The following ERCC3 variants were observed in gnomAD, a reference collection of about 807,000 sequenced individuals.
ERCC3 encodes ERCC excision repair 3, TFIIH core complex helicase subunit.
ERCC3 carries 66 observed loss-of-function variants against 94.2 expected under a neutral mutation model. That is an observed-to-expected ratio of 0.70 (90% CI 0.57 to 0.86). The LOEUF (loss-of-function observed/expected upper bound fraction) is 0.86. ERCC3 is among the 40% of genes least tolerant of loss of function. ERCC3 has a pLI of 0.00. For missense variants in ERCC3, 829 were observed against 987.1 expected (o/e 0.84, Z 2.15); for synonymous variants, 349 against 369.1 (o/e 0.95, Z 0.63).
Position 127,291,455 on chromosome 2 carries a change from T to C in ERCC3, c.471+1155A>G, listed in dbSNP as rs1001599221. Among the ~76,000 whole-genome samples the C allele has an allele frequency of 2.0e-5, 3 of 152,090 alleles. No individual in the cohort carries two copies. The highest frequency in any genetic ancestry group is 2.9e-5 in the Non-Finnish European group (2 of 68,028). On this transcript the variant is annotated intron_variant, in intron 3 of 14. Transcript: ENST00000285398. The surrounding 1 kb of genome is among the most constrained non-coding windows in gnomAD (Gnocchi z 4.9). Reference sequence around the variant, plus strand: ...TTGTATTTTTAGTAGAGACAGGAATTTCGCCATGTTGGCCAGGCTGGTCTT... The same window carrying C: ...TTGTATTTTTAGTAGAGACAGGAATCTCGCCATGTTGGCCAGGCTGGTCTT...
intron 6 of ERCC3, 71 bp downstream of exon 6, chr2:127,289,266 T>G: frequency 7.2e-7 from 1 of 1,389,626 alleles, no homozygotes; most frequent in East Asian, 2.3e-5. Context: ...ACAGGCAGAG[T>G]CGACACATGG....
chr2:127,292,800 T>G lies in ERCC3; in HGVS notation c.281A>C (p.Lys94Thr). The change falls in exon 3 of 15, where the codon AAA becomes ACA. Residue 94 changes from lysine (K) to threonine (T), a missense_variant. Coordinates refer to ENST00000285398, the MANE Select transcript of ERCC3 (RefSeq NM_000122.2). Reference sequence around the variant, plus strand: ...AGCCACCAAGAAGTCTTGGGCATATTTGTAAACTGGAGAGAAGGCTTCCAA... The same window carrying G: ...AGCCACCAAGAAGTCTTGGGCATATGTGTAAACTGGAGAGAAGGCTTCCAA... ...IFLEAFSPVY[K>T]YAQDFLVAIA... 1 of 1,613,796 alleles carries G rather than the reference T, an allele frequency of 6.2e-7. No individual in the cohort carries two copies. Among genetic ancestry groups the G allele is most frequent in the Non-Finnish European group, 8.5e-7 (1 of 1,179,966 alleles).
rs2104762264 is a variant in ERCC3, at chr2:127,280,619, C to T, written c.1355G>A (p.Arg452Gln). ...GGCCTGCACGATGGTGAGCACCCTTCGGAACATCTTGGCTGAGGAAACAAT... is the reference window on the plus strand; with the variant it reads ...GGCCTGCACGATGGTGAGCACCCTTTGGAACATCTTGGCTGAGGAAACAAT... Reference protein sequence around the residue: ...EVHTIPAKMFRRVLTIVQAHC... With the variant: ...EVHTIPAKMFQRVLTIVQAHC... Residue 452 changes from arginine (R) to glutamine (Q), a missense_variant, in exon 9 of 15, where the codon CGA (arginine) becomes CAA (glutamine). Coordinates refer to ENST00000285398, the MANE Select transcript of ERCC3 (RefSeq NM_000122.2). The surrounding 1 kb of genome is among the most constrained non-coding windows in gnomAD (Gnocchi z 6.3). 6.2e-7 allele frequency: 1 copy of T among 1,614,082 alleles called. No individual in the cohort carries two copies. The highest frequency in any genetic ancestry group is 8.5e-7 in the Non-Finnish European group (1 of 1,179,964).
chr2:127,272,767 C>T (rs1684600801), intron 11 of ERCC3, 98 bp downstream of exon 11: 1 of 813,940 alleles, frequency 1.2e-6, no homozygotes, highest in Non-Finnish European at 2.2e-6. Context: ...GGAGAAGTTC[C>T]TTCAGCAGAC....
Position 127,279,232 on chromosome 2 carries a change from C to T in ERCC3, c.1671G>A (p.Lys557=), listed in dbSNP as rs763088884. The change falls in exon 10 of 15, where the codon AAG becomes AAA. Residue 557 remains lysine, a synonymous_variant. Transcript: ENST00000285398. The surrounding 1 kb of genome is among the most constrained non-coding windows in gnomAD (Gnocchi z 4.7). ...LIKFHERRND[K]IIVFADNVFA... ...ACACATTGTCAGCAAAGACAATAAT[C>T]TTGTCATTCCTCCTTTCATGAAACT... 12 of 1,613,562 alleles carry T rather than the reference C, an allele frequency of 7.4e-6. No individual in the cohort carries two copies. The highest frequency in any genetic ancestry group is 1.0e-5 in the Non-Finnish European group (12 of 1,179,586).
rs1573949123 is a variant in ERCC3, at chr2:127,279,851, A to T, written c.1528-476T>A. Among the ~76,000 whole-genome samples the T allele has an allele frequency of 6.6e-6, 1 of 152,226 alleles. No homozygotes were observed. The highest frequency in any genetic ancestry group is 2.4e-5 in the African/African-American group (1 of 41,458). ...AAACCCAACCTAATACCTCCTATTG[A>T]ACTGGACGTTTTCACATGTTAACCA... On this transcript the variant is annotated intron_variant, in intron 9 of 14. Coordinates refer to ENST00000285398, the MANE Select transcript of ERCC3 (RefSeq NM_000122.2). This position sits in a 1 kb window ranked among gnomAD's most constrained non-coding sequence, Gnocchi z 4.7.
In ERCC3 at chr2:127,286,983, T is replaced by C. The variant is rs758857467; in HGVS notation, c.1062A>G (p.Ala354=). The change falls in exon 8 of 15, where the codon GCA becomes GCG. Residue 354 remains alanine (A), a synonymous_variant. Transcript: ENST00000285398. ...CCAGACAGCGTTTTCTGACAGTGCATGCAGCAGTCACACCAACCAGGGACT... is the reference window on the plus strand; with the variant it reads ...CCAGACAGCGTTTTCTGACAGTGCACGCAGCAGTCACACCAACCAGGGACT... The part of the protein sequence containing the change: ...AGKSLVGVTA[A]CTVRKRCLVL... 6.2e-7 allele frequency: 1 copy of C among 1,613,670 alleles called. No homozygotes were observed. The highest frequency in any genetic ancestry group is 8.5e-7 in the Non-Finnish European group (1 of 1,180,016).
Position 127,294,008 on chromosome 2 carries a change from G to C in ERCC3, c.28+46C>G. ...GCTCCGAGGCAGAGCGGGGGGCAGG[G>C]CCGGCAAGGGCAGTCGTGGCTGAGC... On this transcript the variant is annotated intron_variant, in intron 1 of 14. Coordinates refer to ENST00000285398, the MANE Select transcript of ERCC3 (RefSeq NM_000122.2). 3.1e-6 allele frequency: 5 copies of C among 1,597,752 alleles called. No individual in the cohort carries two copies. The Middle Eastern group carries it at 6.7e-4, about 215-fold the overall frequency.
chr2:127,293,738 AAGTAAGCCC>A lies in ERCC3; in HGVS notation c.29-29_29-21del, dbSNP rs750370527. ...TCTTGTCTGCAAGATACCAACACAGAAGTAAGCCCAGCAGGAGCCTTCAGGGTTCCCTCC... is the reference window on the plus strand; with the variant it reads ...TCTTGTCTGCAAGATACCAACACAGAAGCAGGAGCCTTCAGGGTTCCCTCC... On this transcript the variant is annotated intron_variant, in intron 1 of 14. Transcript: ENST00000285398. 3.7e-6 allele frequency: 6 copies of A among 1,608,552 alleles called. No individual in the cohort carries two copies. In the African/African-American group the frequency reaches 6.7e-5, roughly 18 times the overall value.
At chr2:127,266,004 A>C (rs566706773) in intron 12 of ERCC3, among the ~76,000 whole-genome samples, 1 of 151,660 alleles carries the variant, frequency 6.6e-6, no homozygotes, top group Non-Finnish European at 1.5e-5. Context: ...GTTTCAAATA[A>C]TTTTTGATTC....
chr2:127,266,822 T>C (rs1684388543), intron 12 of ERCC3, among the ~76,000 whole-genome samples: 1 of 150,644 alleles, frequency 6.6e-6, no homozygotes, highest in Admixed American at 6.7e-5. Context: ...TTCAAGTCAG[T>C]TCTCCTGCCT....
chr2:127,285,110 G>C (rs938520062), intron 8 of ERCC3, among the ~76,000 whole-genome samples: 9 of 152,196 alleles, frequency 5.9e-5, no homozygotes, highest in African/African-American at 2.2e-4. Flanking sequence ...ATCATTATGG[G>C]AAGTGAAAGA....
chr2:127,257,420 A>G lies in ERCC3; in HGVS notation c.*176T>C. On this transcript the variant is annotated 3_prime_UTR_variant, in exon 15 of 15. Coordinates refer to ENST00000285398, the MANE Select transcript of ERCC3 (RefSeq NM_000122.2). This position sits in a 1 kb window ranked among gnomAD's most constrained non-coding sequence, Gnocchi z 5.4. ...AAAAAATATTGTCTCCTCCTCCTTT[A>G]TAAAACCCTAGATGACCTATGAAGG... 1.3e-6 allele frequency: 1 copy of G among 787,068 alleles called. No individual in the cohort carries two copies. Among genetic ancestry groups the G allele is most frequent in the Non-Finnish European group, 2.2e-6 (1 of 446,416 alleles). The allele number at this position is 787,068 out of a possible 1,614,324, so 48.8% of individuals were successfully genotyped here.
chr2:127,257,483 T>G lies in ERCC3; in HGVS notation c.*113A>C. On this transcript the variant is annotated 3_prime_UTR_variant, in exon 15 of 15. Transcript: ENST00000285398. This position sits in a 1 kb window ranked among gnomAD's most constrained non-coding sequence, Gnocchi z 5.4. Reference sequence around the variant, plus strand: ...CTTGATGCATCTTCCTCAGCACAATTTGGCCAACGCTGGAGGGAAGGTCAA... The same window carrying G: ...CTTGATGCATCTTCCTCAGCACAATGTGGCCAACGCTGGAGGGAAGGTCAA... The G allele has an allele frequency of 7.4e-7, 1 of 1,345,082 alleles. No homozygotes were observed. The highest frequency in any genetic ancestry group is 1.2e-5 in the South Asian group (1 of 84,926). 83.3% of individuals were successfully genotyped at this position (1,345,082 alleles called of 1,614,324 possible).
At chr2:127,286,272 C>T (rs1283860294) in intron 8 of ERCC3, among the ~76,000 whole-genome samples, 5 of 152,112 alleles carry the variant, frequency 3.3e-5, no homozygotes, top group South Asian at 2.1e-4. Context: ...AATTACTGGC[C>T]GGGCACGGTG....
chr2:127,286,812 G>A lies in ERCC3; in HGVS notation c.1233C>T (p.Ser411=). ...ACCTTTTGGTGGTGTGGCCCAGCATGGAGTAGGTGCTAATGGCAACGGAGC... is the reference window on the plus strand; with the variant it reads ...ACCTTTTGGTGGTGTGGCCCAGCATAGAGTAGGTGCTAATGGCAACGGAGC... The part of the protein sequence containing the change: ...IGCSVAISTY[S]MLGHTTKRSW... Residue 411 remains serine, a synonymous_variant, in exon 8 of 15, where the codon TCC becomes TCT. Transcript: ENST00000285398. 1 of 1,614,224 alleles carries A rather than the reference G, an allele frequency of 6.2e-7. No individual in the cohort carries two copies. Among genetic ancestry groups the A allele is most frequent in the African/African-American group, 1.3e-5 (1 of 75,054 alleles).
chr2:127,269,743 T>A (rs1325710460), intron 12 of ERCC3, among the ~76,000 whole-genome samples: 1 of 150,806 alleles, frequency 6.6e-6, no homozygotes, highest in Non-Finnish European at 1.5e-5. Context: ...TTAAGGGAGT[T>A]TTTAAGGCTA....
intron 8 of ERCC3, among the ~76,000 whole-genome samples, chr2:127,285,895 C>A (rs533268585): frequency 3.3e-5 from 5 of 151,556 alleles, no homozygotes; most frequent in Non-Finnish European, 5.9e-5. Context: ...CATGGTTGCA[C>A]TGGTCCACAA....
intron 13 of ERCC3, 200 bp downstream of exon 13, chr2:127,261,028 T>G (rs1035451323): frequency 3.3e-6 from 2 of 600,100 alleles, no homozygotes; most frequent in African/African-American, 3.7e-5. Flanking sequence ...CCATGGCACC[T>G]CAGTCCTGCC....
Sources: gnomAD v4.1 joint callset for allele counts (sites outside exome capture counted in the v4.1 genomes callset) on GRCh38, gnomAD v4.1.1 for gene constraint, Gnocchi (gnomAD v3.1) non-coding constraint, MANE v1.5 for transcripts, NCBI Gene and HGNC (gene_info 2026-07-23, HGNC 2026-07-21) for gene names.